The following VEGFC variants were observed in gnomAD, a reference collection of about 807,000 sequenced individuals.
VEGFC encodes the protein vascular endothelial growth factor C, also known as FLT4 ligand DHM.
VEGFC carries 12 observed loss-of-function variants against 46.1 expected under a neutral mutation model. The ratio of observed to expected loss-of-function variants is 0.26; its 90% CI spans 0.17 to 0.42. The LOEUF is 0.42. Among genes scored for constraint, VEGFC ranks in the 10% least tolerant of loss-of-function variants. The pLI, the probability that VEGFC is intolerant of heterozygous loss-of-function variation, is 1.00. For synonymous variants in VEGFC, 232 were observed against 195.5 expected (o/e 1.19, Z -1.56); for missense variants, 488 against 529.4 (o/e 0.92, Z 0.77).
intron 1 of VEGFC, among the ~76,000 whole-genome samples, chr4:176,765,481 G>T (rs1735603781): frequency 6.7e-6 from 1 of 149,992 alleles, no homozygotes; most frequent in Non-Finnish European, 1.5e-5. Flanking sequence ...TCATCAAACA[G>T]ATTAAACACA....
intron 4 of VEGFC, among the ~76,000 whole-genome samples, chr4:176,688,315 T>C (rs1443319621): frequency 6.6e-6 from 1 of 152,242 alleles, no homozygotes; most frequent in Non-Finnish European, 1.5e-5. Context: ...TGCTCCATTA[T>C]TTTTAGTGGC....
At chr4:176,770,979 TACACACAC>T (rs148140472) in intron 1 of VEGFC, among the ~76,000 whole-genome samples, 1 of 148,412 alleles carries the variant, frequency 6.7e-6, no homozygotes, top group African/African-American at 2.5e-5. Context: ...AAGTAACTGA[TACACACAC>T]ACACACACAC....
chr4:176,766,093 G>T (rs1326285022), intron 1 of VEGFC, among the ~76,000 whole-genome samples: 1 of 152,004 alleles, frequency 6.6e-6, no homozygotes, highest in African/African-American at 2.4e-5. Flanking sequence ...CGAAAAGGAA[G>T]ATATGCAAGG....
chr4:176,747,391 T>TA (rs754279624), intron 1 of VEGFC, among the ~76,000 whole-genome samples: 15 of 151,996 alleles, frequency 9.9e-5, no homozygotes, highest in Middle Eastern at 3.4e-3. Flanking sequence ...AAATCCCTTT[T>TA]AAAAAAAAGA....
chr4:176,699,577 C>T (rs1734388539), intron 4 of VEGFC, among the ~76,000 whole-genome samples: 2 of 152,166 alleles, frequency 1.3e-5, no homozygotes, highest in South Asian at 4.1e-4. Flanking sequence ...CTACAGAGCC[C>T]TGGGTAAAAA....
At chr4:176,788,318 G>A (rs895650663) in intron 1 of VEGFC, among the ~76,000 whole-genome samples, 2 of 152,198 alleles carry the variant, frequency 1.3e-5, no homozygotes, top group African/African-American at 4.8e-5. Flanking sequence ...CGTTTGTCCC[G>A]TTGTGGGGAA....
intron 3 of VEGFC, among the ~76,000 whole-genome samples, chr4:176,712,750 T>A (rs1057265302): frequency 6.6e-6 from 1 of 152,180 alleles, no homozygotes; most frequent in Admixed American, 6.5e-5. Flanking sequence ...GCCAATTTTG[T>A]CCATGCCAAC....
chr4:176,785,507 A>T (rs141917389), intron 1 of VEGFC, among the ~76,000 whole-genome samples: 1 of 152,232 alleles, frequency 6.6e-6, no homozygotes, highest in Non-Finnish European at 1.5e-5. Context: ...AAGAACAGCC[A>T]AAGTATTTAT....
intron 1 of VEGFC, among the ~76,000 whole-genome samples, chr4:176,754,479 G>T (rs1333613776): frequency 6.6e-6 from 1 of 151,968 alleles, no homozygotes; most frequent in Non-Finnish European, 1.5e-5. Context: ...GCTTCTAGAA[G>T]CTCCATGCTC....
intron 3 of VEGFC, among the ~76,000 whole-genome samples, chr4:176,714,261 C>T (rs1022550136): frequency 6.6e-6 from 1 of 152,118 alleles, no homozygotes; most frequent in African/African-American, 2.4e-5. Context: ...CCTGTTAGTT[C>T]ATGCTAGAGC....
At chr4:176,696,163 G>A (rs1195505890) in intron 4 of VEGFC, among the ~76,000 whole-genome samples, 5 of 143,834 alleles carry the variant, frequency 3.5e-5, no homozygotes, top group Non-Finnish European at 7.6e-5. Context: ...GAAATAAAGG[G>A]TATTCAATTA....
chr4:176,779,897 A>G (rs1411698169), intron 1 of VEGFC, among the ~76,000 whole-genome samples: 5 of 152,242 alleles, frequency 3.3e-5, no homozygotes, highest in Non-Finnish European at 4.4e-5. Flanking sequence ...ATGTGTCTTC[A>G]GAACTTTGTG....
intron 1 of VEGFC, among the ~76,000 whole-genome samples, chr4:176,769,522 T>C (rs191974305): frequency 6.6e-6 from 1 of 152,310 alleles, no homozygotes; most frequent in African/African-American, 2.4e-5. Flanking sequence ...TGTAATTAGC[T>C]AGCAGATATT....
chr4:176,718,657 G>C (rs1451313144), intron 3 of VEGFC, among the ~76,000 whole-genome samples: 2 of 152,076 alleles, frequency 1.3e-5, no homozygotes, highest in African/African-American at 4.8e-5. Flanking sequence ...GGCTTCTTTA[G>C]TCTGGCACTA....
chr4:176,732,948 A>G (rs948476179), intron 1 of VEGFC, among the ~76,000 whole-genome samples: 6 of 151,976 alleles, frequency 3.9e-5, no homozygotes, highest in African/African-American at 1.4e-4. Context: ...AATCAAAAAC[A>G]CAAACATGGA....
At chr4:176,718,568 A>G (rs1469628134) in intron 3 of VEGFC, among the ~76,000 whole-genome samples, 1 of 152,130 alleles carries the variant, frequency 6.6e-6, no homozygotes, top group African/African-American at 2.4e-5. Flanking sequence ...TGTTTTTAAG[A>G]TGGCAATGTA....
intron 3 of VEGFC, among the ~76,000 whole-genome samples, chr4:176,727,207 G>T (rs1321746989): frequency 1.3e-5 from 2 of 152,178 alleles, no homozygotes; most frequent in African/African-American, 4.8e-5. Flanking sequence ...GTTATCAGAA[G>T]CTTACCATTT....
chr4:176,766,871 C>A, intron 1 of VEGFC, among the ~76,000 whole-genome samples: 1 of 151,338 alleles, frequency 6.6e-6, no homozygotes. Flanking sequence ...AGTGAAAAAG[C>A]AATAAAGCTT....
At chr4:176,698,757 T>C (rs918206981) in intron 4 of VEGFC, among the ~76,000 whole-genome samples, 2 of 152,196 alleles carry the variant, frequency 1.3e-5, no homozygotes, top group African/African-American at 4.8e-5. Context: ...TTCTATTCTG[T>C]ATCTATGAAT....
Sources: gnomAD v4.1 joint callset for allele counts (sites outside exome capture counted in the v4.1 genomes callset) on GRCh38, gnomAD v4.1.1 for gene constraint, MANE v1.5 for transcripts, NCBI Gene and HGNC (gene_info 2026-07-23, HGNC 2026-07-21) for gene names.